MINK1: variants seen among roughly 807,000 people sequenced by gnomAD.
MINK1 encodes the protein misshapen like kinase 1, also known as misshapen-like kinase 1.
A neutral mutation model predicts 178.4 loss-of-function variants in MINK1; 46 were observed. The ratio of observed to expected loss-of-function variants is 0.26; its 90% CI spans 0.20 to 0.33. The LOEUF (loss-of-function observed/expected upper bound fraction) is 0.33, where lower values mean the gene tolerates loss of function less well. Among genes scored for constraint, MINK1 ranks in the 10% least tolerant of loss-of-function variants. The pLI, the probability that MINK1 is intolerant of heterozygous loss-of-function variation, is 1.00. For missense variants in MINK1, 1,366 were observed against 1,814.9 expected, an observed-to-expected ratio of 0.75 and a Z score of 4.49; for synonymous variants, 797 against 709.7, an observed-to-expected ratio of 1.12 and a Z score of -1.96.
At position 4,887,632 on chromosome 17, in the gene MINK1, C is replaced by A; in HGVS notation, c.1072C>A (p.Leu358Ile). 1 of 1,567,996 alleles carries A rather than the reference C, an allele frequency of 6.4e-7. No individual in the cohort carries two copies. The highest frequency in any genetic ancestry group is 8.6e-7 in the Non-Finnish European group (1 of 1,158,810). The change falls in exon 12 of 32, where the codon CTC becomes ATC. Residue 358 changes from leucine (L) to isoleucine (I), a missense_variant. Leu to Ile is a conservative substitution (Grantham distance 5). Transcript: ENST00000355280. This position sits in a 1 kb window ranked among gnomAD's most constrained non-coding sequence, Gnocchi z 7.6. ...ESTLRREFLR[L>I]QQENKSNSEA... ...GACTCTACGCCGGGAGTTTCTCCGG[C>A]TCCAGCAGGAAAATAAGAGCAACTC...
At chr17:4,870,178 C>T (rs1597472075) in intron 1 of MINK1, among the ~76,000 whole-genome samples, 1 of 150,232 alleles carries the variant, frequency 6.7e-6, no homozygotes, top group Middle Eastern at 3.5e-3. Flanking sequence ...TCCCAAAGTG[C>T]TGGGATTACA....
intron 1 of MINK1, among the ~76,000 whole-genome samples, chr17:4,858,218 C>T (rs1042683889): frequency 6.6e-6 from 1 of 152,046 alleles, no homozygotes; most frequent in African/African-American, 2.4e-5. Context: ...CTGCCTTTGC[C>T]CCCCTCTTCC....
chr17:4,892,254 A>G lies in MINK1; in HGVS notation c.2087+20A>G. 6.4e-7 allele frequency: 1 copy of G among 1,554,472 alleles called. No homozygotes were observed. Among genetic ancestry groups the G allele is most frequent in the Non-Finnish European group, 8.7e-7 (1 of 1,148,948 alleles). On this transcript the variant is annotated intron_variant, in intron 17 of 31. Transcript: ENST00000355280. ...TGCCAGGTAATGCCTGGGTAGGGCA[A>G]CGCCTGGGTGAGGTCTGAGGGCAGC...
At chr17:4,875,600 A>G in intron 1 of MINK1, 1 of 390,906 alleles carries the variant, frequency 2.6e-6, no homozygotes, top group Non-Finnish European at 5.1e-6. Context: ...GGGTGAAACC[A>G]CGTCTCTACT....
At position 4,856,891 on chromosome 17, in the gene MINK1, G is replaced by T. The variant is rs147821919; in HGVS notation, c.58-21426G>T. On this transcript the variant is annotated intron_variant, in intron 1 of 31. Coordinates refer to ENST00000355280, the MANE Select transcript of MINK1 (RefSeq NM_153827.5). ...ACATGCGTGTCAGGCTGTTTGTTCC[G>T]GAATGAGGAGGGGTGGTCTTTACAT... 8.5e-3 allele frequency: 1,380 copies of T among 162,758 alleles called. 15 individuals are homozygous for T. Among genetic ancestry groups the T allele is most frequent in the Non-Finnish European group, 0.01 (777 of 74,550 alleles). The allele number at this position is 162,758 out of a possible 1,614,324, so 10.1% of individuals were successfully genotyped here.
At chr17:4,884,565 C>G (rs1968025157) in intron 5 of MINK1, 92 bp downstream of exon 5, 30 of 923,860 alleles carry the variant, frequency 3.2e-5, no homozygotes, top group Non-Finnish European at 5.2e-5. Context: ...TGGGAGGAGA[C>G]ATCACTGCCC....
intron 1 of MINK1, chr17:4,850,972 G>A (rs1261459467): frequency 2.2e-6 from 1 of 457,512 alleles, no homozygotes; most frequent in Non-Finnish European, 4.4e-6. Context: ...CTGCTTCCCA[G>A]GGACTGGCCC....
At chr17:4,889,618 T>C in intron 12 of MINK1, 29 bp from the exon 13 acceptor site, 2 of 1,551,470 alleles carry the variant, frequency 1.3e-6, no homozygotes, top group South Asian at 1.2e-5. Context: ...TCCGGTATGG[T>C]TCTTAAGACC....
chr17:4,889,425 G>A (rs983809828), intron 12 of MINK1, among the ~76,000 whole-genome samples: 11 of 152,148 alleles, frequency 7.2e-5, no homozygotes, highest in African/African-American at 2.4e-4. Context: ...ACAGGCAGCA[G>A]TCAGTCTCAC....
rs1296611965 is a variant in MINK1, at chr17:4,894,435, T to C, written c.2809-90T>C. 3.3e-6 allele frequency: 5 copies of C among 1,520,862 alleles called. No homozygotes were observed. Among genetic ancestry groups the C allele is most frequent in the Admixed American group, 2.0e-5 (1 of 50,864 alleles). The allele number at this position is 1,520,862 out of a possible 1,614,324, so 94.2% of individuals were successfully genotyped here. ...GGGAGCTGGACAGCGGGGGTGCCAGTTGGGGAGCTGGAGCCTGGGGAACAG... is the reference window on the plus strand; with the variant it reads ...GGGAGCTGGACAGCGGGGGTGCCAGCTGGGGAGCTGGAGCCTGGGGAACAG... On this transcript the variant is annotated intron_variant, in intron 23 of 31. Coordinates refer to ENST00000355280, the MANE Select transcript of MINK1 (RefSeq NM_153827.5). The surrounding 1 kb of genome is among the most constrained non-coding windows in gnomAD (Gnocchi z 4.1).
rs1968140726 is a variant in MINK1, at chr17:4,885,712, A to G, written c.639+99A>G. 6.5e-7 allele frequency: 1 copy of G among 1,529,984 alleles called. No homozygotes were observed. The highest frequency in any genetic ancestry group is 8.9e-7 in the Non-Finnish European group (1 of 1,121,706). 94.8% of individuals were successfully genotyped at this position (1,529,984 alleles called of 1,614,324 possible). On this transcript the variant is annotated intron_variant, in intron 7 of 31. Transcript: ENST00000355280. This position sits in a 1 kb window ranked among gnomAD's most constrained non-coding sequence, Gnocchi z 5.0. ...AGGCTGGGGAACAGAGGAAGGTCAG[A>G]TGATGTTAGCAGTGAGGGGCTGGGG... is the stretch of plus-strand genomic sequence containing the variant.
intron 1 of MINK1, among the ~76,000 whole-genome samples, chr17:4,839,823 C>T (rs1271058055): frequency 1.3e-5 from 2 of 152,066 alleles, no homozygotes; most frequent in Non-Finnish European, 2.9e-5. Context: ...GTACGTGCTA[C>T]GTGTGGGTAG....
chr17:4,881,232 C>G lies in MINK1; in HGVS notation c.281C>G (p.Pro94Arg). 6.5e-7 allele frequency: 1 copy of G among 1,537,204 alleles called. No homozygotes were observed. The highest frequency in any genetic ancestry group is 8.7e-7 in the Non-Finnish European group (1 of 1,146,886). The change falls in exon 4 of 32, where the codon CCC becomes CGC. Residue 94 changes from proline to arginine, a missense_variant. Physicochemically the swap from Pro to Arg is moderately radical, Grantham distance 103. Around this residue, in one of 14 missense-constraint regions of MINK1, gnomAD observed 109 missense variants for 369.4 expected, o/e 0.30. Transcript: ENST00000355280. ...TYYGAFIKKS[P>R]PGNDDQLWLV... is the part of the protein sequence containing the mutation. Reference sequence around the variant, plus strand: ...TACGGAGCCTTCATCAAGAAGAGCCCCCCGGGAAACGATGACCAGCTCTGG... The same window carrying G: ...TACGGAGCCTTCATCAAGAAGAGCCGCCCGGGAAACGATGACCAGCTCTGG...
chr17:4,874,017 G>C (rs1414682426), intron 1 of MINK1, among the ~76,000 whole-genome samples: 1 of 152,128 alleles, frequency 6.6e-6, no homozygotes, highest in African/African-American at 2.4e-5. Flanking sequence ...CACACGACTA[G>C]TGCCAGAGTT....
chr17:4,888,855 G>A (rs1968482863), intron 12 of MINK1, among the ~76,000 whole-genome samples: 2 of 151,826 alleles, frequency 1.3e-5, no homozygotes, highest in African/African-American at 2.4e-5. Flanking sequence ...GCGCCACCAC[G>A]CCCGGCTAAT....
intron 1 of MINK1, chr17:4,875,513 C>G: frequency 4.4e-6 from 2 of 453,658 alleles, no homozygotes; most frequent in Non-Finnish European, 4.4e-6. Flanking sequence ...TGGCTCACAC[C>G]TGTAATCCCA....
intron 1 of MINK1, among the ~76,000 whole-genome samples, chr17:4,852,655 G>A (rs1912173293): frequency 6.8e-6 from 1 of 146,988 alleles, no homozygotes; most frequent in South Asian, 2.2e-4. Flanking sequence ...CAAGGCTCCA[G>A]GTAAACCATA....
At chr17:4,854,566 T>A (rs9893881) in intron 1 of MINK1, among the ~76,000 whole-genome samples, 1 of 152,118 alleles carries the variant, frequency 6.6e-6, no homozygotes, top group Non-Finnish European at 1.5e-5. Flanking sequence ...TGCAAGTCAG[T>A]GTGTGTGTGC....
Position 4,897,615 on chromosome 17 carries a change from C to A in MINK1, c.*328C>A, listed in dbSNP as rs943391037. ...AGTGCTTGGGGCTTGAACCCCTTAC[C>A]CCACTGCTGCTGACTGGGCAGGGCC... On this transcript the variant is annotated 3_prime_UTR_variant, in exon 32 of 32. Transcript: ENST00000355280. 2 of 255,252 alleles carry A rather than the reference C, an allele frequency of 7.8e-6. No individual in the cohort carries two copies. The highest frequency in any genetic ancestry group is 1.5e-5 in the Non-Finnish European group (2 of 132,768). 15.8% of individuals were successfully genotyped at this position (255,252 alleles called of 1,614,324 possible). A position where few individuals can be genotyped will look rare whatever the true frequency, so the allele number is the denominator to read the frequency against.
Sources: allele counts gnomAD v4.1 joint callset (sites outside exome capture counted in the v4.1 genomes callset), GRCh38; gene constraint gnomAD v4.1.1; regional missense constraint gnomAD v4.1.1; non-coding constraint Gnocchi (gnomAD v3.1); transcripts MANE v1.5; gene names NCBI Gene and HGNC (gene_info 2026-07-23, HGNC 2026-07-21).